Variants in PGM2 observed in about 807,000 individuals in gnomAD.
PGM2 encodes phosphoglucomutase 2, also known as phosphopentomutase.
PGM2 carries 57 observed loss-of-function variants against 74.6 expected under a neutral mutation model. The ratio of observed to expected loss-of-function variants is 0.76; its 90% CI spans 0.62 to 0.95. PGM2 has a LOEUF of 0.95. PGM2 is among the 40% of genes least tolerant of loss of function. The pLI, the probability that PGM2 is intolerant of heterozygous loss-of-function variation, is 0.00. For synonymous variants in PGM2, 273 were observed against 260.7 expected (o/e 1.05, Z -0.46); for missense variants, 706 against 741.9 (o/e 0.95, Z 0.56).
At chr4:37,853,998 C>G (rs1376044968) in intron 12 of PGM2, among the ~76,000 whole-genome samples, 3 of 152,202 alleles carry the variant, frequency 2.0e-5, no homozygotes, top group East Asian at 3.8e-4. Flanking sequence ...TTTTGCAGTA[C>G]CTGGTGCCTC....
At chr4:37,841,100 ATGTGTGTGTGTGTGTT>A (rs1725710133) in intron 6 of PGM2, among the ~76,000 whole-genome samples, 5 of 115,746 alleles carry the variant, frequency 4.3e-5, no homozygotes, top group East Asian at 3.0e-4. Context: ...ATATATATAT[ATGTGTGTGTGTGTGTT>A]TGTATATGTA....
rs375317658 is a variant in PGM2, at chr4:37,851,046, C to T, written c.1602+673C>T. Among the ~76,000 whole-genome samples, 4 of 150,598 alleles carry T rather than the reference C, an allele frequency of 2.7e-5. No individual in the cohort carries two copies. The East Asian group carries it at 7.8e-4, about 29-fold the overall frequency. On this transcript the variant is annotated intron_variant, in intron 12 of 13. Coordinates refer to ENST00000381967, the MANE Select transcript of PGM2 (RefSeq NM_018290.4). ...CATCAAAGCCTGTGTGGTCATTTCG[C>T]ACCTTAGGCAATAAGTGATCAGAAG...
intron 6 of PGM2, among the ~76,000 whole-genome samples, chr4:37,844,126 G>A (rs1725801764): frequency 6.6e-6 from 1 of 152,082 alleles, no homozygotes; most frequent in South Asian, 2.1e-4. Context: ...CTCTAGATGG[G>A]ATGCATAAAA....
At chr4:37,838,251 G>A (rs911235496) in intron 4 of PGM2, among the ~76,000 whole-genome samples, 5 of 152,244 alleles carry the variant, frequency 3.3e-5, no homozygotes, top group East Asian at 3.9e-4. Flanking sequence ...TTCTTGTGTC[G>A]AAATCTGAAT....
chr4:37,836,544 A>C (rs1725570541), intron 3 of PGM2, among the ~76,000 whole-genome samples: 1 of 152,152 alleles, frequency 6.6e-6, no homozygotes, highest in South Asian at 2.1e-4. Flanking sequence ...CATTTGTAAC[A>C]GAGAGAGAGA....
intron 6 of PGM2, among the ~76,000 whole-genome samples, chr4:37,841,022 A>G (rs1330336114): frequency 2.2e-5 from 3 of 139,086 alleles, no homozygotes; most frequent in African/African-American, 8.1e-5. Flanking sequence ...TTGAATAGCA[A>G]ACACTGGTAT....
intron 12 of PGM2, among the ~76,000 whole-genome samples, chr4:37,851,806 C>T (rs975912411): frequency 6.6e-6 from 1 of 152,166 alleles, no homozygotes; most frequent in African/African-American, 2.4e-5. Context: ...TCTCCCCATC[C>T]TCACAGTACG....
At chr4:37,828,597 T>A (rs1390455125) in intron 1 of PGM2, among the ~76,000 whole-genome samples, 1 of 152,220 alleles carries the variant, frequency 6.6e-6, no homozygotes, top group Non-Finnish European at 1.5e-5. Flanking sequence ...CAGGGCTGAT[T>A]CTGATCCTGC....
Position 37,842,126 on chromosome 4 carries a change from T to C in PGM2, c.719+1867T>C, listed in dbSNP as rs1050983951. Among the ~76,000 whole-genome samples, 3 of 150,508 alleles carry C rather than the reference T, an allele frequency of 2.0e-5. No homozygotes were observed. The East Asian group carries it at 5.8e-4, about 29-fold the overall frequency. On this transcript the variant is annotated intron_variant, in intron 6 of 13. Transcript: ENST00000381967. Reference sequence around the variant, plus strand: ...TATATTTTCTATGTGTTTGTTCACCTTTTATATTTATAAACATCTTTGTTT... The same window carrying C: ...TATATTTTCTATGTGTTTGTTCACCCTTTATATTTATAAACATCTTTGTTT...
At position 37,843,548 on chromosome 4, in the gene PGM2, G is replaced by A. The variant is rs192977416; in HGVS notation, c.720-816G>A. On this transcript the variant is annotated intron_variant, in intron 6 of 13. Transcript: ENST00000381967. The stretch of plus-strand genomic sequence containing the variant: ...AGTCTGTATAAAGTCCCTAAGTCAT[G>A]GCATGGTATCAAACAGGATTGTTAC... Among the ~76,000 whole-genome samples the A allele has an allele frequency of 2.3e-3, 354 of 151,830 alleles. 2 individuals are homozygous for A. Among genetic ancestry groups the A allele is most frequent in the Non-Finnish European group, 2.0e-3 (134 of 67,968 alleles).
intron 6 of PGM2, among the ~76,000 whole-genome samples, chr4:37,842,787 A>G (rs1325728775): frequency 6.6e-6 from 1 of 151,968 alleles, no homozygotes; most frequent in Non-Finnish European, 1.5e-5. Flanking sequence ...CAGCCCTCTG[A>G]GTAGCTGGTA....
intron 13 of PGM2, 83 bp downstream of exon 13, chr4:37,855,824 C>T (rs1726178535): frequency 1.7e-6 from 2 of 1,165,728 alleles, no homozygotes; most frequent in Non-Finnish European, 2.4e-6. Context: ...TGAAATGTTC[C>T]ATCTTTCTAA....
At chr4:37,831,183 ACT>A (rs1725432012) in intron 2 of PGM2, among the ~76,000 whole-genome samples, 1 of 101,162 alleles carries the variant, frequency 9.9e-6, no homozygotes, top group African/African-American at 3.4e-5. Context: ...ACAGAGCAAG[ACT>A]CTGTCTCAAA....
At chr4:37,844,768 GAACAGCCTGGCC>G (rs977947410) in intron 7 of PGM2, among the ~76,000 whole-genome samples, 1 of 152,094 alleles carries the variant, frequency 6.6e-6, no homozygotes, top group African/African-American at 2.4e-5. Context: ...AGGTGTTCGA[GAACAGCCTGGCC>G]AACATGGCAA....
In PGM2 at chr4:37,828,680, A is replaced by T. The variant is rs1361233901; in HGVS notation, c.82-1284A>T. 2.0e-5 allele frequency among the ~76,000 whole-genome samples: 3 copies of T among 151,338 alleles called. No homozygotes were observed. The East Asian group carries it at 5.8e-4, about 29-fold the overall frequency. ...TCAGGCTACTTAGTCTTTCATAGATATCAAAGACCAATTAAGATTTTCCAG... is the reference window on the plus strand; with the variant it reads ...TCAGGCTACTTAGTCTTTCATAGATTTCAAAGACCAATTAAGATTTTCCAG... On this transcript the variant is annotated intron_variant, in intron 1 of 13. Transcript: ENST00000381967.
chr4:37,831,135 G>A (rs1271972250), intron 2 of PGM2, among the ~76,000 whole-genome samples: 2 of 144,718 alleles, frequency 1.4e-5, no homozygotes, highest in Non-Finnish European at 3.0e-5. Context: ...CAAGGTCGTA[G>A]TGAGCCGACA....
intron 6 of PGM2, among the ~76,000 whole-genome samples, chr4:37,841,709 G>A (rs1200577780): frequency 2.0e-5 from 3 of 152,212 alleles, no homozygotes; most frequent in East Asian, 3.8e-4. Context: ...AAATACGTCT[G>A]TGAACTTTCC....
In PGM2 at chr4:37,861,599, CAAAAGCAGACTA is replaced by C. The variant is rs780771829; in HGVS notation, c.1830_*2del. 6 of 1,608,042 alleles carry C rather than the reference CAAAAGCAGACTA, an allele frequency of 3.7e-6. No homozygotes were observed. Among genetic ancestry groups the C allele is most frequent in the Non-Finnish European group, 5.1e-6 (6 of 1,174,788 alleles). On this transcript the variant is annotated stop_lost and inframe_deletion, in exon 14 of 14. Coordinates refer to ENST00000381967, the MANE Select transcript of PGM2 (RefSeq NM_018290.4). ...CAGCCACAGAAGTACAATCTGCAGC[CAAAAGCAGACTA>C]AAATAGTCCAGCCTTGGGTATACTT... is the stretch of plus-strand genomic sequence containing the variant.
Position 37,840,264 on chromosome 4 carries a change from A to G in PGM2, c.719+5A>G, listed in dbSNP as rs767877668. 1 of 1,561,860 alleles carries G rather than the reference A, an allele frequency of 6.4e-7. No individual in the cohort carries two copies. Among genetic ancestry groups the G allele is most frequent in the Non-Finnish European group, 8.8e-7 (1 of 1,132,886 alleles). On this transcript the variant is annotated splice_donor_5th_base_variant and intron_variant, in intron 6 of 13. Transcript: ENST00000381967. ...TAAAAAGTACTGTTTCCACAGGTAA[A>G]TGAATTGTGTCTTCACTGACCTTAA...
Sources: allele counts gnomAD v4.1 joint callset (sites outside exome capture counted in the v4.1 genomes callset), GRCh38; gene constraint gnomAD v4.1.1; transcripts MANE v1.5; gene names NCBI Gene and HGNC (gene_info 2026-07-23, HGNC 2026-07-21).